TOP2B: variants seen among roughly 807,000 people sequenced by gnomAD.
TOP2B encodes DNA topoisomerase II beta, also known as DNA topoisomerase 2-beta.
TOP2B carries 51 observed loss-of-function variants against 193.5 expected under a neutral mutation model. The observed-to-expected ratio is 0.26, with a 90% CI of 0.21 to 0.33. The LOEUF (loss-of-function observed/expected upper bound fraction) is 0.33, where lower values mean the gene tolerates loss of function less well. TOP2B is among the 10% of genes least tolerant of loss of function. The pLI is 1.00. For missense variants in TOP2B, 1,378 were observed against 1,909.3 expected, an observed-to-expected ratio of 0.72 and a Z score of 5.19; for synonymous variants, 634 against 635.7, an observed-to-expected ratio of 1.00 and a Z score of 0.04.
intron 27 of TOP2B, among the ~76,000 whole-genome samples, 160 bp from the exon 28 acceptor site, chr3:25,612,869 G>T (rs1386769792): frequency 2.0e-5 from 3 of 152,010 alleles, no homozygotes; most frequent in African/African-American, 7.3e-5. Context: ...AAAAAATAAA[G>T]AATTCTAAAT....
At chr3:25,618,396 G>A (rs779576401) in intron 25 of TOP2B, 22 bp downstream of exon 25, 38 of 1,571,684 alleles carry the variant, frequency 2.4e-5, no homozygotes, top group Non-Finnish European at 3.2e-5. Context: ...TTCTCTGAAT[G>A]TCTTTTTCTG....
Position 25,664,340 on chromosome 3 carries a change from G to A in TOP2B, c.-43C>T, listed in dbSNP as rs1341523320. 1.4e-6 allele frequency: 2 copies of A among 1,432,852 alleles called. No individual in the cohort carries two copies. The highest frequency in any genetic ancestry group is 2.9e-5 in the South Asian group (2 of 69,284). The allele number at this position is 1,432,852 out of a possible 1,614,324, so 88.8% of individuals were successfully genotyped here. On this transcript the variant is annotated 5_prime_UTR_variant, in exon 1 of 36. Coordinates refer to ENST00000264331, the MANE Select transcript of TOP2B (RefSeq NM_001330700.2). The stretch of plus-strand genomic sequence containing the variant: ...CACAGGCCCTGAGGCCGCAGCCGCC[G>A]CTCCCGCCTCCCTGCGGGCCGCTGG...
At chr3:25,606,915 T>C (rs1359441243) in intron 31 of TOP2B, among the ~76,000 whole-genome samples, 1 of 152,202 alleles carries the variant, frequency 6.6e-6, no homozygotes, top group Non-Finnish European at 1.5e-5. Context: ...CAGCATTAAG[T>C]AGTTGTGATA....
rs1305879617 is a variant in TOP2B at position 25,598,158 on chromosome 3, A to G, written c.*149T>C. 20 of 772,260 alleles carry G rather than the reference A, an allele frequency of 2.6e-5. No homozygotes were observed. Among genetic ancestry groups the G allele is most frequent in the Non-Finnish European group, 4.0e-5 (20 of 499,746 alleles). 47.8% of individuals were successfully genotyped at this position (772,260 alleles called of 1,614,324 possible). ...AGAGCATAAAACTGTATGTGTAAGA[A>G]CAAAATGTTAAAAGGCCTACCACAA... On this transcript the variant is annotated 3_prime_UTR_variant, in exon 36 of 36. Transcript: ENST00000264331.
Position 25,612,519 on chromosome 3 carries a change from T to C in TOP2B, c.3782A>G (p.Lys1261Arg). The C allele has an allele frequency of 2.5e-6, 4 of 1,607,334 alleles. No individual in the cohort carries two copies. Among genetic ancestry groups the C allele is most frequent in the African/African-American group, 1.3e-5 (1 of 74,954 alleles). Reference protein sequence around the residue: ...ADASKKLLKKKKGDLDTAAVK... With the variant: ...ADASKKLLKKRKGDLDTAAVK... ...ATGACAAGAGGTATGTCATACCTTC[T>C]TCTTCTTCAGCAACTTTTTGCTGGC... is the stretch of plus-strand genomic sequence containing the variant. Residue 1261 changes from lysine to arginine, a missense_variant, in exon 28 of 36, where the codon AAG (lysine) becomes AGG (arginine). This residue lies in a region of TOP2B where 556 missense variants were observed against 584.2 expected (regional missense o/e 0.95). Coordinates refer to ENST00000264331, the MANE Select transcript of TOP2B (RefSeq NM_001330700.2).
At chr3:25,605,823 C>A (rs1702223586) in intron 32 of TOP2B, among the ~76,000 whole-genome samples, 1 of 152,076 alleles carries the variant, frequency 6.6e-6, no homozygotes, top group African/African-American at 2.4e-5. Flanking sequence ...ATTTGCCTGT[C>A]CACCTAAATG....
In TOP2B at chr3:25,634,093, C is replaced by A. The variant is rs559738738; in HGVS notation, c.853-79G>T. On this transcript the variant is annotated intron_variant, in intron 7 of 35. Coordinates refer to ENST00000264331, the MANE Select transcript of TOP2B (RefSeq NM_001330700.2). Reference sequence around the variant, plus strand: ...AGGTGAATCACCTTCAGTACGTATACTTTCATTTCCTCTCACTTACAACAG... The same window carrying A: ...AGGTGAATCACCTTCAGTACGTATAATTTCATTTCCTCTCACTTACAACAG... 95 of 1,048,268 alleles carry A rather than the reference C, an allele frequency of 9.1e-5. 1 individual carries two copies. The South Asian group carries it at 1.5e-3, about 16-fold the overall frequency. 64.9% of individuals were successfully genotyped at this position (1,048,268 alleles called of 1,614,324 possible).
chr3:25,626,895 T>A, intron 16 of TOP2B, 31 bp from the exon 17 acceptor site: 7 of 1,304,944 alleles, frequency 5.4e-6, no homozygotes, highest in Non-Finnish European at 7.4e-6. Context: ...ATTTTGCACA[T>A]TAAAAATAAA....
chr3:25,612,490 A>G (rs1259104896), intron 28 of TOP2B, 25 bp downstream of exon 28: 1 of 1,546,226 alleles, frequency 6.5e-7, no homozygotes, highest in African/African-American at 1.4e-5. Flanking sequence ...AAATGAGTCT[A>G]TCAATGACAA....
At chr3:25,641,754 C>G (rs1294262682) in intron 4 of TOP2B, among the ~76,000 whole-genome samples, 1 of 151,836 alleles carries the variant, frequency 6.6e-6, no homozygotes, top group Non-Finnish European at 1.5e-5. Flanking sequence ...AATGAAATTA[C>G]AAAGGATGAA....
intron 1 of TOP2B, among the ~76,000 whole-genome samples, chr3:25,657,363 A>G (rs1011034578): frequency 6.6e-6 from 1 of 152,130 alleles, no homozygotes; most frequent in Non-Finnish European, 1.5e-5. Context: ...TTGGCCTTAG[A>G]AGAGAGAAGC....
At position 25,618,692 on chromosome 3, in the gene TOP2B, C is replaced by T. The variant is rs768271461; in HGVS notation, c.3221G>A (p.Arg1074His). Reference sequence around the variant, plus strand: ...CCCTTGTATCTTCTCTAAAATGAAACGGGCTTGATTGTTAAGCTTTGTAGA... The same window carrying T: ...CCCTTGTATCTTCTCTAAAATGAAATGGGCTTGATTGTTAAGCTTTGTAGA... ...AESTKLNNQA[R>H]FILEKIQGKI... The change falls in exon 24 of 36, where the codon CGT becomes CAT. Residue 1074 changes from arginine (R) to histidine (H), a missense_variant. Physicochemically the swap from Arg to His is conservative, Grantham distance 29 (BLOSUM62 0). Transcript: ENST00000264331. The T allele has an allele frequency of 6.8e-6, 11 of 1,612,082 alleles. No individual in the cohort carries two copies. Among genetic ancestry groups the T allele is most frequent in the South Asian group, 2.2e-5 (2 of 90,716 alleles).
chr3:25,605,258 A>T (rs948526271), intron 32 of TOP2B, among the ~76,000 whole-genome samples: 1 of 152,148 alleles, frequency 6.6e-6, no homozygotes, highest in African/African-American at 2.4e-5. Flanking sequence ...TATCAGTAAT[A>T]ATGTTTAAAT....
At chr3:25,601,492 G>C (rs1187540899) in intron 33 of TOP2B, among the ~76,000 whole-genome samples, 2 of 152,124 alleles carry the variant, frequency 1.3e-5, no homozygotes, top group Non-Finnish European at 2.9e-5. Context: ...GGTGGCAGAT[G>C]CCTGTAATCC....
intron 15 of TOP2B, among the ~76,000 whole-genome samples, chr3:25,628,039 A>G (rs1372524915): frequency 6.6e-6 from 1 of 151,682 alleles, no homozygotes; most frequent in East Asian, 1.9e-4. Context: ...GCAACAGAGC[A>G]AGACTCTATC....
At chr3:25,630,249 T>C in intron 12 of TOP2B, 63 bp downstream of exon 12, 1 of 1,525,602 alleles carries the variant, frequency 6.6e-7, no homozygotes. Context: ...TAGTAAAGTA[T>C]TAGAAATGTC....
chr3:25,618,960 G>T, intron 23 of TOP2B, 111 bp from the exon 24 acceptor site: 1 of 751,304 alleles, frequency 1.3e-6, no homozygotes, highest in Non-Finnish European at 2.0e-6. Flanking sequence ...TAATGCATGT[G>T]TGTGAACACA....
chr3:25,622,450 G>C (rs945595763), intron 21 of TOP2B, among the ~76,000 whole-genome samples: 1 of 151,776 alleles, frequency 6.6e-6, no homozygotes, highest in African/African-American at 2.4e-5. Context: ...CTATATTGTG[G>C]GTTTATGGAT....
At chr3:25,619,071 A>G (rs537537455) in intron 23 of TOP2B, among the ~76,000 whole-genome samples, 29 of 152,318 alleles carry the variant, frequency 1.9e-4, no homozygotes, top group African/African-American at 6.5e-4. Context: ...TTCTCACAAC[A>G]AAAGTATTTA....
Sources: allele counts gnomAD v4.1 joint callset (sites outside exome capture counted in the v4.1 genomes callset), GRCh38; gene constraint gnomAD v4.1.1; regional missense constraint gnomAD v4.1.1; transcripts MANE v1.5; gene names NCBI Gene and HGNC (gene_info 2026-07-23, HGNC 2026-07-21).